SEC23A: variants seen among roughly 807,000 people sequenced by gnomAD.
SEC23A encodes SEC23 homolog A, COPII component, also known as protein transport protein Sec23A.
SEC23A carries 56 observed loss-of-function variants against 103.7 expected under a neutral mutation model. That is an observed-to-expected ratio of 0.54 (90% CI 0.44 to 0.67). The LOEUF (loss-of-function observed/expected upper bound fraction) is 0.67. SEC23A is among the 30% of genes least tolerant of loss of function. The pLI is 0.00. For missense variants in SEC23A, 784 were observed against 936.4 expected (o/e 0.84, Z 2.12); for synonymous variants, 281 against 293.0 (o/e 0.96, Z 0.42).
chr14:39,069,132 C>T (rs887647023), intron 9 of SEC23A, among the ~76,000 whole-genome samples: 1 of 152,114 alleles, frequency 6.6e-6, no homozygotes, highest in Admixed American at 6.5e-5. Flanking sequence ...CAGTAAACCT[C>T]TATGAAGGAA....
At chr14:39,089,165 CAAAAAAAAA>C (rs58732430) in intron 5 of SEC23A, among the ~76,000 whole-genome samples, 4 of 69,358 alleles carry the variant, frequency 5.8e-5, no homozygotes, top group Non-Finnish European at 1.2e-4. Context: ...GACTCCGTGT[CAAAAAAAAA>C]AAAAAAAAGA....
chr14:39,078,951 TAAAG>T (rs947727511), intron 7 of SEC23A, among the ~76,000 whole-genome samples: 19 of 151,816 alleles, frequency 1.3e-4, no homozygotes, highest in Non-Finnish European at 2.4e-4. Flanking sequence ...CAAACGTAAT[TAAAG>T]AAAGAAAAAA....
At position 39,065,911 on chromosome 14, in the gene SEC23A, T is replaced by C. The variant is rs371608557; in HGVS notation, c.1228-918A>G. On this transcript the variant is annotated intron_variant, in intron 10 of 19. Transcript: ENST00000307712. ...TACTCGGGAGGGTGAGGCAGGAGAA[T>C]TGCTTGAACCCAGGAGGCAGAGGTT... is the stretch of plus-strand genomic sequence containing the variant. 8.9e-5 allele frequency among the ~76,000 whole-genome samples: 13 copies of C among 146,302 alleles called. No homozygotes were observed. In the East Asian group the frequency reaches 2.1e-3, roughly 23 times the overall value.
In SEC23A at chr14:39,045,244, A is replaced by G; in HGVS notation, c.1818T>C (p.His606=). The G allele has an allele frequency of 6.2e-7, 1 of 1,613,258 alleles. No homozygotes were observed. Among genetic ancestry groups the G allele is most frequent in the Non-Finnish European group, 8.5e-7 (1 of 1,179,354 alleles). Residue 606 remains histidine, a synonymous_variant, in exon 16 of 20, where the codon CAT becomes CAC. Coordinates refer to ENST00000307712, the MANE Select transcript of SEC23A (RefSeq NM_006364.4). ...SPDESSYYRH[H]FMRQDLTQSL... ...ACTGGGTCAGATCTTGACGCATAAA[A>G]TGGTGACGATAATATGAACTCTCAT...
At chr14:39,059,245 C>T (rs1266707566) in intron 13 of SEC23A, among the ~76,000 whole-genome samples, 1 of 126,874 alleles carries the variant, frequency 7.9e-6, no homozygotes, top group African/African-American at 3.1e-5. Context: ...AACAAAAACA[C>T]TTGTCTAGGC....
intron 19 of SEC23A, among the ~76,000 whole-genome samples, chr14:39,038,433 C>T (rs974409087): frequency 2.6e-5 from 4 of 152,146 alleles, no homozygotes; most frequent in Non-Finnish European, 5.9e-5. Context: ...TGGGTAATAA[C>T]TGCACCCTAA....
At chr14:39,088,611 T>C (rs1887540362) in intron 5 of SEC23A, 1 of 152,272 alleles carries the variant, frequency 6.6e-6, no homozygotes, top group Non-Finnish European at 1.5e-5. Flanking sequence ...TATGCTCCTG[T>C]AATCCCAGCT....
chr14:39,085,056 T>C (rs1163939904), intron 7 of SEC23A, among the ~76,000 whole-genome samples: 1 of 152,154 alleles, frequency 6.6e-6, no homozygotes, highest in Non-Finnish European at 1.5e-5. Context: ...GATTAGAAGG[T>C]TGAGACTTTC....
chr14:39,089,581 T>C (rs1222616768), intron 5 of SEC23A, among the ~76,000 whole-genome samples: 2 of 152,182 alleles, frequency 1.3e-5, no homozygotes, highest in African/African-American at 4.8e-5. Context: ...TCCTTCCTCC[T>C]AAAGTACATC....
At chr14:39,059,278 T>TAAAAAAAAAAAAAAAAAAAA (rs750853379) in intron 13 of SEC23A, among the ~76,000 whole-genome samples, 11 of 71,830 alleles carry the variant, frequency 1.5e-4, no homozygotes, top group African/African-American at 3.1e-4. Context: ...AGTCCTAGTT[T>TAAAAAAAAAAAAAAAAAAAA]AAAAAAAAAA....
intron 7 of SEC23A, among the ~76,000 whole-genome samples, chr14:39,085,383 A>C (rs748270973): frequency 1.3e-5 from 2 of 152,158 alleles, no homozygotes; most frequent in African/African-American, 2.4e-5. Flanking sequence ...CAAATTAATC[A>C]AACCCAAGAG....
chr14:39,048,572 C>T, intron 15 of SEC23A, 80 bp downstream of exon 15: 1 of 888,278 alleles, frequency 1.1e-6, no homozygotes, highest in South Asian at 1.4e-5. Context: ...TATACTTCAG[C>T]ATGGATGACA....
intron 9 of SEC23A, among the ~76,000 whole-genome samples, chr14:39,070,614 A>G (rs1886811565): frequency 6.6e-6 from 1 of 152,260 alleles, no homozygotes; most frequent in African/African-American, 2.4e-5. Flanking sequence ...TCACATGATC[A>G]TATCAATAGC....
chr14:39,074,923 C>T (rs532422085), intron 8 of SEC23A, among the ~76,000 whole-genome samples: 21 of 152,094 alleles, frequency 1.4e-4, no homozygotes, highest in South Asian at 1.0e-3. Context: ...CTGGCAAACA[C>T]GGTGAAACCC....
chr14:39,087,840 C>T (rs538699211), intron 5 of SEC23A: 16 of 152,214 alleles, frequency 1.1e-4, no homozygotes, highest in African/African-American at 3.6e-4. Flanking sequence ...ATGCTAAAAC[C>T]TTTATATATA....
At chr14:39,063,546 T>A (rs945199867) in intron 11 of SEC23A, 133 bp from the exon 12 acceptor site, 17 of 585,722 alleles carry the variant, frequency 2.9e-5, no homozygotes, top group Admixed American at 2.8e-4. Flanking sequence ...TGTTAAGAGC[T>A]TAAAATATTT....
intron 10 of SEC23A, 148 bp from the exon 11 acceptor site, chr14:39,065,141 A>G (rs1886614622): frequency 1.4e-6 from 1 of 690,610 alleles, no homozygotes. Flanking sequence ...TCAATCAATA[A>G]GCACTTCTAT....
chr14:39,088,092 T>A (rs1055608911), intron 5 of SEC23A: 1 of 152,148 alleles, frequency 6.6e-6, no homozygotes, highest in African/African-American at 2.4e-5. Flanking sequence ...CTATGAAGGA[T>A]GACACAATCA....
At chr14:39,065,977 A>G (rs943995068) in intron 10 of SEC23A, among the ~76,000 whole-genome samples, 2 of 132,880 alleles carry the variant, frequency 1.5e-5, no homozygotes, top group Non-Finnish European at 3.1e-5. Context: ...CAGCCGGGCA[A>G]TAAGAGCGAA....
Sources: allele counts gnomAD v4.1 joint callset (sites outside exome capture counted in the v4.1 genomes callset), GRCh38; gene constraint gnomAD v4.1.1; transcripts MANE v1.5; gene names NCBI Gene and HGNC (gene_info 2026-07-23, HGNC 2026-07-21).